The following RIMS2 variants were observed in gnomAD, a reference collection of about 807,000 sequenced individuals.
RIMS2 encodes regulating synaptic membrane exocytosis protein 2.
RIMS2 carries 59 observed loss-of-function variants against 174.4 expected under a neutral mutation model. That is an observed-to-expected ratio of 0.34 (90% CI 0.27 to 0.42). RIMS2 has a LOEUF of 0.42. Among genes scored for constraint, RIMS2 ranks in the 10% least tolerant of loss-of-function variants. The pLI is 1.00. For synonymous variants in RIMS2, 606 were observed against 572.5 expected, an observed-to-expected ratio of 1.06 and a Z score of -0.84; for missense variants, 1,620 against 1,666.3, an observed-to-expected ratio of 0.97 and a Z score of 0.48.
intron 2 of RIMS2, among the ~76,000 whole-genome samples, chr8:103,740,353 A>T (rs552669856): frequency 6.6e-6 from 1 of 152,210 alleles, no homozygotes; most frequent in South Asian, 2.1e-4. Flanking sequence ...ATGCCTGCTG[A>T]CTTCTTGGCA....
At chr8:103,601,565 G>T (rs1456317508) in intron 1 of RIMS2, among the ~76,000 whole-genome samples, 1 of 151,744 alleles carries the variant, frequency 6.6e-6, no homozygotes, top group African/African-American at 2.4e-5. Context: ...ATATATATAG[G>T]TGAAGTGTGT....
chr8:103,992,387 A>C (rs1262955133), intron 17 of RIMS2, among the ~76,000 whole-genome samples: 1 of 150,460 alleles, frequency 6.6e-6, no homozygotes, highest in African/African-American at 2.4e-5. Flanking sequence ...GGGTATCCCA[A>C]AGTGCTGGGA....
chr8:104,218,628 C>T (rs1041817408), intron 19 of RIMS2, among the ~76,000 whole-genome samples: 8 of 152,162 alleles, frequency 5.3e-5, no homozygotes, highest in East Asian at 1.9e-4. Flanking sequence ...AGTCCTATCT[C>T]GGGGTGATGG....
intron 17 of RIMS2, among the ~76,000 whole-genome samples, chr8:104,000,895 A>C (rs2095356856): frequency 6.6e-6 from 1 of 151,586 alleles, no homozygotes; most frequent in Admixed American, 6.6e-5. Flanking sequence ...TATCCATTTT[A>C]AAAAATCAGA....
intron 19 of RIMS2, among the ~76,000 whole-genome samples, chr8:104,222,025 G>A (rs1587735684): frequency 6.6e-6 from 1 of 152,080 alleles, no homozygotes; most frequent in East Asian, 1.9e-4. Context: ...CTCTCTTCCT[G>A]GAATATCTGA....
At chr8:104,154,852 C>A (rs192935736) in intron 19 of RIMS2, among the ~76,000 whole-genome samples, 121 of 152,224 alleles carry the variant, frequency 7.9e-4, no homozygotes, top group Admixed American at 2.8e-3. Flanking sequence ...GTTTATCCTT[C>A]TCAGTTTCTA....
chr8:103,842,923 T>TA (rs1260830128), intron 3 of RIMS2, among the ~76,000 whole-genome samples: 2 of 152,200 alleles, frequency 1.3e-5, no homozygotes, highest in Non-Finnish European at 2.9e-5. Context: ...GGCTTGCAGA[T>TA]AGCTGCCTTC....
chr8:103,961,264 CTATGA>C (rs2089981257), intron 15 of RIMS2, 131 bp downstream of exon 17: 1 of 593,136 alleles, frequency 1.7e-6, no homozygotes, highest in Admixed American at 3.0e-5. Context: ...CTATGGCAAC[CTATGA>C]CAACTTAAAC....
chr8:103,504,814 C>CTTTT (rs949101975), intron 1 of RIMS2, among the ~76,000 whole-genome samples: 1 of 133,776 alleles, frequency 7.5e-6, no homozygotes. Context: ...GAAATAAAAT[C>CTTTT]TTTTTTTTTC....
chr8:104,170,765 A>T (rs1049769788), intron 19 of RIMS2, among the ~76,000 whole-genome samples: 4 of 151,926 alleles, frequency 2.6e-5, no homozygotes, highest in Non-Finnish European at 5.9e-5. Flanking sequence ...GAGATTTATG[A>T]TTTAAGGAAG....
intron 10 of RIMS2, among the ~76,000 whole-genome samples, chr8:103,926,494 AT>A (rs2078806146): frequency 6.6e-6 from 1 of 151,702 alleles, no homozygotes; most frequent in Admixed American, 6.6e-5. Flanking sequence ...AGAGAGAAAG[AT>A]GACTCATGAC....
chr8:103,627,367 T>C (rs1336138976), intron 1 of RIMS2, among the ~76,000 whole-genome samples: 1 of 152,224 alleles, frequency 6.6e-6, no homozygotes, highest in African/African-American at 2.4e-5. Context: ...GATTTCATAT[T>C]GTTCAAACAC....
chr8:103,801,929 T>C (rs16870702), intron 3 of RIMS2, among the ~76,000 whole-genome samples: 23,948 of 152,256 alleles, frequency 0.16, 1,996 homozygotes, highest in Middle Eastern at 0.24. Flanking sequence ...TTCTTGACAA[T>C]ATCTGTAAAT....
chr8:103,696,340 A>T (rs939015271), intron 1 of RIMS2, among the ~76,000 whole-genome samples: 1 of 151,790 alleles, frequency 6.6e-6, no homozygotes, highest in East Asian at 1.9e-4. Flanking sequence ...CTTTTTAATC[A>T]CTCTGATTGA....
At chr8:104,054,171 A>G (rs2096833133) in intron 19 of RIMS2, among the ~76,000 whole-genome samples, 1 of 152,192 alleles carries the variant, frequency 6.6e-6, no homozygotes, top group African/African-American at 2.4e-5. Context: ...ATCTGAGAGT[A>G]ACCCCATCTA....
At chr8:103,817,657 G>C (rs1387164095) in intron 3 of RIMS2, among the ~76,000 whole-genome samples, 1 of 152,112 alleles carries the variant, frequency 6.6e-6, no homozygotes, top group African/African-American at 2.4e-5. Flanking sequence ...GCACACTCCT[G>C]TAATCCCAGC....
chr8:103,578,268 G>A lies in RIMS2; in HGVS notation c.176+77206G>A, dbSNP rs1472903302. On this transcript the variant is annotated intron_variant, in intron 1 of 23. Coordinates refer to ENST00000504942, the Ensembl canonical transcript of RIMS2. ...ATATCGGCCAGGCATTGTGGTTCAT[G>A]CCTGTAAGTCCAGCACTTTGGGAGG... Among the ~76,000 whole-genome samples the A allele has an allele frequency of 2.0e-5, 3 of 152,182 alleles. No individual in the cohort carries two copies. The East Asian group carries it at 5.8e-4, about 29-fold the overall frequency.
chr8:104,102,321 A>G (rs974812765), intron 19 of RIMS2, among the ~76,000 whole-genome samples: 2 of 152,196 alleles, frequency 1.3e-5, no homozygotes, highest in Non-Finnish European at 2.9e-5. Flanking sequence ...TGCTCAAACC[A>G]GAAACCTGGG....
chr8:103,979,334 A>G (rs767804007), intron 16 of RIMS2, among the ~76,000 whole-genome samples: 23 of 152,220 alleles, frequency 1.5e-4, no homozygotes, highest in Non-Finnish European at 3.1e-4. Context: ...TGAGATGGCA[A>G]GGACGTGGAG....
Sources: gnomAD v4.1 joint callset for allele counts (sites outside exome capture counted in the v4.1 genomes callset) on GRCh38, gnomAD v4.1.1 for gene constraint, MANE v1.5 for transcripts, NCBI Gene and HGNC (gene_info 2026-07-23, HGNC 2026-07-21) for gene names.